KIT: variants seen among roughly 807,000 people sequenced by gnomAD.
KIT encodes KIT proto-oncogene, receptor tyrosine kinase.
A neutral mutation model predicts 105.7 loss-of-function variants in KIT; 16 were observed. The observed-to-expected ratio is 0.15, with a 90% CI of 0.10 to 0.23. KIT has a LOEUF of 0.23. Among genes scored for constraint, KIT ranks in the 10% least tolerant of loss-of-function variants. The probability of loss-of-function intolerance (pLI) is 1.00; values close to 1 mark genes in which losing one functional copy is unlikely to be tolerated. For missense variants in KIT, 858 were observed against 1,213.8 expected (o/e 0.71, Z 4.36); for synonymous variants, 438 against 441.1 (o/e 0.99, Z 0.09).
intron 1 of KIT, among the ~76,000 whole-genome samples, chr4:54,673,729 G>A (rs1339240437): frequency 6.6e-6 from 1 of 152,148 alleles, no homozygotes; most frequent in African/African-American, 2.4e-5. Flanking sequence ...ATTCTTTTCT[G>A]TTGTTAACCG....
chr4:54,734,330 C>T (rs1437388649), intron 17 of KIT, among the ~76,000 whole-genome samples: 1 of 152,144 alleles, frequency 6.6e-6, no homozygotes, highest in Admixed American at 6.5e-5. Flanking sequence ...TTGTCCAATA[C>T]CTCTGAATCT....
intron 17 of KIT, among the ~76,000 whole-genome samples, chr4:54,734,795 A>G (rs574014411): frequency 1.3e-5 from 2 of 152,136 alleles, no homozygotes; most frequent in Non-Finnish European, 2.9e-5. Context: ...CCCCTTTTAG[A>G]GCCTGGTAAA....
chr4:54,719,410 A>T (rs1251323402), intron 7 of KIT, among the ~76,000 whole-genome samples: 2 of 152,182 alleles, frequency 1.3e-5, no homozygotes, highest in Non-Finnish European at 2.9e-5. Flanking sequence ...AAGATCACAA[A>T]TCTGTGGGGT....
chr4:54,698,086 T>C (rs1355578948), intron 2 of KIT, among the ~76,000 whole-genome samples, 198 bp from the exon 3 acceptor site: 1 of 152,226 alleles, frequency 6.6e-6, no homozygotes, highest in Admixed American at 6.5e-5. Flanking sequence ...CCAAGCTTAG[T>C]GCGTGATACA....
chr4:54,717,359 T>TCAAAAAAGCAACCAAA (rs1721574411), intron 7 of KIT, among the ~76,000 whole-genome samples: 2 of 152,196 alleles, frequency 1.3e-5, no homozygotes, highest in Non-Finnish European at 2.9e-5. Context: ...CTGGTGGATG[T>TCAAAAAAGCAACCAAA]GTTGCTAATT....
At chr4:54,726,771 C>G (rs573114054) in intron 9 of KIT, among the ~76,000 whole-genome samples, 6 of 150,276 alleles carry the variant, frequency 4.0e-5, no homozygotes, top group African/African-American at 1.5e-4. Context: ...GAAAAGAATA[C>G]CTTAAAAATG....
At chr4:54,669,219 C>CT (rs1183735773) in intron 1 of KIT, among the ~76,000 whole-genome samples, 2 of 151,998 alleles carry the variant, frequency 1.3e-5, no homozygotes, top group African/African-American at 4.8e-5. Flanking sequence ...GGACCCCCCC[C>CT]CCTTGCTTTT....
At chr4:54,703,099 A>G (rs1000938332) in intron 4 of KIT, among the ~76,000 whole-genome samples, 6 of 152,296 alleles carry the variant, frequency 3.9e-5, no homozygotes, top group African/African-American at 1.4e-4. Flanking sequence ...TGGTGATATC[A>G]CAAGGGTAAA....
chr4:54,665,485 C>G (rs1314380188), intron 1 of KIT, among the ~76,000 whole-genome samples: 1 of 152,064 alleles, frequency 6.6e-6, no homozygotes, highest in Admixed American at 6.6e-5. Flanking sequence ...AGGGTACATG[C>G]TTTGGAAAGA....
chr4:54,719,358 C>T (rs1366644944), intron 7 of KIT, among the ~76,000 whole-genome samples: 1 of 152,144 alleles, frequency 6.6e-6, no homozygotes, highest in African/African-American at 2.4e-5. Context: ...TTTGTTCTTG[C>T]TTTCCACATG....
intron 1 of KIT, among the ~76,000 whole-genome samples, chr4:54,678,859 T>C (rs1400893671): frequency 6.6e-6 from 1 of 152,230 alleles, no homozygotes; most frequent in African/African-American, 2.4e-5. Flanking sequence ...ACACCAGTTG[T>C]TAACATTTTG....
rs576961678 is a variant in KIT, at chr4:54,665,822, C to T, written c.67+7741C>T. On this transcript the variant is annotated intron_variant, in intron 1 of 20. Coordinates refer to ENST00000288135, the MANE Select transcript of KIT (RefSeq NM_000222.3). The stretch of plus-strand genomic sequence containing the variant: ...TCAATGAAATCTTAGGGTCAGGTCC[C>T]TGTAAGAAATAAAACTAAACCCCAA... 2.6e-5 allele frequency among the ~76,000 whole-genome samples: 4 copies of T among 152,256 alleles called. No individual in the cohort carries two copies. The South Asian group carries it at 8.3e-4, about 32-fold the overall frequency.
At chr4:54,658,418 G>A (rs575770138) in intron 1 of KIT, among the ~76,000 whole-genome samples, 2 of 152,186 alleles carry the variant, frequency 1.3e-5, no homozygotes, top group Non-Finnish European at 2.9e-5. Context: ...GGGCGGAGGC[G>A]GGGGGCTCAG....
chr4:54,712,375 G>A (rs972767315), intron 7 of KIT, among the ~76,000 whole-genome samples: 1 of 152,182 alleles, frequency 6.6e-6, no homozygotes, highest in African/African-American at 2.4e-5. Flanking sequence ...ACAGCAGATC[G>A]TGGGTGGGGC....
At chr4:54,724,894 A>G (rs537756070) in intron 8 of KIT, among the ~76,000 whole-genome samples, 1 of 152,184 alleles carries the variant, frequency 6.6e-6, no homozygotes, top group Non-Finnish European at 1.5e-5. Flanking sequence ...GAAACACATA[A>G]TAGATGGAAT....
intron 4 of KIT, among the ~76,000 whole-genome samples, chr4:54,703,427 C>T (rs943532845): frequency 6.6e-6 from 1 of 152,136 alleles, no homozygotes; most frequent in African/African-American, 2.4e-5. Context: ...TCAGAGATAG[C>T]AACTTTTAAA....
chr4:54,659,307 C>T (rs1309340328), intron 1 of KIT, among the ~76,000 whole-genome samples: 1 of 152,202 alleles, frequency 6.6e-6, no homozygotes, highest in Non-Finnish European at 1.5e-5. Context: ...TCCTGCCTCC[C>T]GTTCCCTTTT....
chr4:54,735,121 A>G (rs992152412), intron 17 of KIT, among the ~76,000 whole-genome samples: 1 of 152,184 alleles, frequency 6.6e-6, no homozygotes, highest in Non-Finnish European at 1.5e-5. Flanking sequence ...AGTCACAGGT[A>G]CAGCTGATAC....
Position 54,739,420 on chromosome 4 carries a change from TCTC to T in KIT, c.*867_*869del, listed in dbSNP as rs1406807212. The stretch of plus-strand genomic sequence containing the variant: ...ACCACAAAGCACAGTTTGAACAAAA[TCTC>T]CTCTTTTAGCTGATGAACTTATTCT... On this transcript the variant is annotated 3_prime_UTR_variant, in exon 21 of 21. Coordinates refer to ENST00000288135, the MANE Select transcript of KIT (RefSeq NM_000222.3). 1.7e-5 allele frequency: 4 copies of T among 233,454 alleles called. No individual in the cohort carries two copies. The highest frequency in any genetic ancestry group is 6.6e-5 in the African/African-American group (3 of 45,454). The allele number at this position is 233,454 out of a possible 1,614,324, so 14.5% of individuals were successfully genotyped here.
Sources: allele counts gnomAD v4.1 joint callset (sites outside exome capture counted in the v4.1 genomes callset), GRCh38; gene constraint gnomAD v4.1.1; transcripts MANE v1.5; gene names NCBI Gene and HGNC (gene_info 2026-07-23, HGNC 2026-07-21).